APCDD1L: variants seen among roughly 807,000 people sequenced by gnomAD.
APCDD1L encodes the protein APC down-regulated 1 like.
A neutral mutation model predicts 24.2 loss-of-function variants in APCDD1L; 21 were observed. The ratio of observed to expected loss-of-function variants is 0.87; its 90% confidence interval spans 0.61 to 1.25. The LOEUF (loss-of-function observed/expected upper bound fraction) is 1.25. Among genes scored for constraint, APCDD1L ranks in the 50% most tolerant of loss-of-function variants. The probability of loss-of-function intolerance (pLI) is 0.00; values close to 1 mark genes in which losing one functional copy is unlikely to be tolerated. For missense variants in APCDD1L, 704 were observed against 711.7 expected (o/e 0.99, Z 0.12); for synonymous variants, 321 against 323.6 (o/e 0.99, Z 0.09).
intron 1 of APCDD1L, among the ~76,000 whole-genome samples, chr20:58,475,596 G>A (rs980800470): frequency 3.3e-5 from 5 of 151,944 alleles, no homozygotes; most frequent in Admixed American, 1.3e-4. Flanking sequence ...CACGGAAGAC[G>A]GAGGGAGGAG....
intron 2 of APCDD1L, among the ~76,000 whole-genome samples, chr20:58,468,154 AC>A (rs1212662901): frequency 1.4e-4 from 21 of 152,006 alleles, no homozygotes; most frequent in Admixed American, 1.2e-3. Context: ...GAGTCGGCAA[AC>A]TTTTTCTGTA....
rs1989600576 is a variant in APCDD1L at position 58,461,341 on chromosome 20, A to G, written c.955T>C (p.Ser319Pro). The G allele has an allele frequency of 2.5e-6, 4 of 1,597,636 alleles. No individual in the cohort carries two copies. The highest frequency in any genetic ancestry group is 3.4e-6 in the Non-Finnish European group (4 of 1,169,086). Residue 319 changes from serine to proline, a missense_variant, in exon 4 of 4, where the codon TCA becomes CCA. Coordinates refer to ENST00000371149, the MANE Select transcript of APCDD1L (RefSeq NM_153360.3). The surrounding 1 kb of genome is among the most constrained non-coding windows in gnomAD (Gnocchi z 6.0). The stretch of plus-strand genomic sequence containing the variant: ...GTGGGCTGCCGGCAGGCTGGGTCTG[A>G]GAAGTGGTGGTAATACCCTTCCCAG... Reference protein sequence around the residue: ...RSWEGYYHHFSDPACRQPTFT... With the variant: ...RSWEGYYHHFPDPACRQPTFT...
chr20:58,486,690 G>A lies in APCDD1L; in HGVS notation c.50-15943C>T, dbSNP rs149700450. On this transcript the variant is annotated intron_variant, in intron 1 of 3. Transcript: ENST00000371149. ...GCAAAGCACCAAACAGAAAGTAGCC[G>A]CCAACCTAGATTTGTGTACCCATCA... is the stretch of plus-strand genomic sequence containing the variant. Among the ~76,000 whole-genome samples the A allele has an allele frequency of 3.2e-3, 483 of 151,968 alleles. 2 individuals carry two copies. Among genetic ancestry groups the A allele is most frequent in the Non-Finnish European group, 5.0e-3 (341 of 67,986 alleles).
chr20:58,511,298 C>T (rs899575730), intron 1 of APCDD1L, among the ~76,000 whole-genome samples: 24 of 152,318 alleles, frequency 1.6e-4, no homozygotes, highest in South Asian at 4.1e-4. Flanking sequence ...CCCTCAAGCT[C>T]AAACCAATTT....
intron 1 of APCDD1L, among the ~76,000 whole-genome samples, chr20:58,483,908 C>G (rs954332116): frequency 1.3e-5 from 2 of 152,136 alleles, no homozygotes; most frequent in African/African-American, 2.4e-5. Context: ...TCTGGAGAGG[C>G]AGAGTCCCCA....
intron 1 of APCDD1L, among the ~76,000 whole-genome samples, chr20:58,511,074 T>C (rs980481329): frequency 3.3e-5 from 5 of 152,216 alleles, no homozygotes; most frequent in African/African-American, 4.8e-5. Context: ...ACCATCTTGT[T>C]GAACACTTCC....
chr20:58,513,804 TG>T, intron 1 of APCDD1L: 1 of 967,138 alleles, frequency 1.0e-6, no homozygotes, highest in Non-Finnish European at 1.5e-6. Flanking sequence ...AGAGAGCCGA[TG>T]GCCATGCTTA....
intron 1 of APCDD1L, 144 bp from the exon 2 acceptor site, chr20:58,470,891 C>T: frequency 4.9e-6 from 6 of 1,223,672 alleles, no homozygotes; most frequent in Non-Finnish European, 5.5e-6. Flanking sequence ...CAGGGTGCCC[C>T]AGTTCTGGAG....
intron 3 of APCDD1L, among the ~76,000 whole-genome samples, chr20:58,464,519 A>C (rs2123132139): frequency 6.6e-6 from 1 of 152,330 alleles, no homozygotes; most frequent in Non-Finnish European, 1.5e-5. Flanking sequence ...CAGAATTCAC[A>C]CTTGTACAGA....
At position 58,461,594 on chromosome 20, in the gene APCDD1L, T is replaced by A. The variant is rs1029133489; in HGVS notation, c.742-40A>T. Reference sequence around the variant, plus strand: ...ACAGAAAAACGGTGGTTGTCCCACATAGAGAAGTTGGGGTGCAGCCTGGAA... The same window carrying A: ...ACAGAAAAACGGTGGTTGTCCCACAAAGAGAAGTTGGGGTGCAGCCTGGAA... On this transcript the variant is annotated intron_variant, in intron 3 of 3. Coordinates refer to ENST00000371149, the MANE Select transcript of APCDD1L (RefSeq NM_153360.3). The surrounding 1 kb of genome is among the most constrained non-coding windows in gnomAD (Gnocchi z 6.0). The A allele has an allele frequency of 2.1e-6, 3 of 1,396,756 alleles. No individual in the cohort carries two copies. The highest frequency in any genetic ancestry group is 2.8e-6 in the Non-Finnish European group (3 of 1,069,116). 86.5% of individuals were successfully genotyped at this position (1,396,756 alleles called of 1,614,324 possible).
At chr20:58,505,873 C>T (rs1250068069) in intron 1 of APCDD1L, among the ~76,000 whole-genome samples, 1 of 152,134 alleles carries the variant, frequency 6.6e-6, no homozygotes, top group African/African-American at 2.4e-5. Context: ...TAGAGACACA[C>T]AGGGAGAAGA....
intron 1 of APCDD1L, among the ~76,000 whole-genome samples, chr20:58,503,983 C>T (rs1990489533): frequency 6.6e-6 from 1 of 152,178 alleles, no homozygotes; most frequent in African/African-American, 2.4e-5. Context: ...CCCATGAGCC[C>T]ATCTGGAGAC....
At chr20:58,500,677 G>A (rs1990417948) in intron 1 of APCDD1L, among the ~76,000 whole-genome samples, 1 of 152,092 alleles carries the variant, frequency 6.6e-6, no homozygotes, top group South Asian at 2.1e-4. Flanking sequence ...CCACCCAATG[G>A]CTTTCCTTTC....
chr20:58,515,067 G>T lies in APCDD1L; in HGVS notation c.-360C>A, dbSNP rs1600890138. Reference sequence around the variant, plus strand: ...GGCCGTCGCCTTCCCCAAAGTCTTCGCAGTGGGCAAGGAGGCCTCCCCCAA... The same window carrying T: ...GGCCGTCGCCTTCCCCAAAGTCTTCTCAGTGGGCAAGGAGGCCTCCCCCAA... On this transcript the variant is annotated 5_prime_UTR_variant, in exon 1 of 4. Transcript: ENST00000371149. 4.6e-6 allele frequency: 1 copy of T among 217,376 alleles called. No homozygotes were observed. Among genetic ancestry groups the T allele is most frequent in the East Asian group, 9.6e-5 (1 of 10,402 alleles). The allele number at this position is 217,376 out of a possible 1,614,324, so 13.5% of individuals were successfully genotyped here. A position where few individuals can be genotyped will look rare whatever the true frequency, so the allele number is the denominator to read the frequency against.
intron 1 of APCDD1L, among the ~76,000 whole-genome samples, chr20:58,480,119 T>C (rs1989996154): frequency 6.6e-6 from 1 of 152,212 alleles, no homozygotes; most frequent in African/African-American, 2.4e-5. Flanking sequence ...CTCATCCACC[T>C]AATCCGAGAA....
intron 1 of APCDD1L, among the ~76,000 whole-genome samples, chr20:58,474,713 C>CAAAA (rs1338669910): frequency 3.3e-4 from 50 of 151,950 alleles, no homozygotes; most frequent in African/African-American, 1.2e-3. Context: ...TCAAACAAAA[C>CAAAA]AAAACAAAAC....
chr20:58,508,385 A>C lies in APCDD1L; in HGVS notation c.49+6274T>G, dbSNP rs1008780475. On this transcript the variant is annotated intron_variant, in intron 1 of 3. Coordinates refer to ENST00000371149, the MANE Select transcript of APCDD1L (RefSeq NM_153360.3). The surrounding 1 kb of genome is among the most constrained non-coding windows in gnomAD (Gnocchi z 4.0). The stretch of plus-strand genomic sequence containing the variant: ...AAGGAGCACAGGGAGGGGAGAGCAC[A>C]GAGAGAGTGAACATGGCTGAGACTG... 6.6e-6 allele frequency among the ~76,000 whole-genome samples: 1 copy of C among 152,206 alleles called. No homozygotes were observed. Among genetic ancestry groups the C allele is most frequent in the African/African-American group, 2.4e-5 (1 of 41,446 alleles).
At chr20:58,499,771 C>G (rs906336213) in intron 1 of APCDD1L, among the ~76,000 whole-genome samples, 12 of 152,216 alleles carry the variant, frequency 7.9e-5, no homozygotes, top group Admixed American at 3.3e-4. Flanking sequence ...CCAAACACCC[C>G]ACCCATCCCT....
At chr20:58,495,175 G>A (rs563409242) in intron 1 of APCDD1L, among the ~76,000 whole-genome samples, 12 of 152,276 alleles carry the variant, frequency 7.9e-5, no homozygotes, top group African/African-American at 2.2e-4. Flanking sequence ...CCCTAGTGTC[G>A]TACCTGCCAG....
Sources: gnomAD v4.1 joint callset for allele counts (sites outside exome capture counted in the v4.1 genomes callset) on GRCh38, gnomAD v4.1.1 for gene constraint, Gnocchi (gnomAD v3.1) non-coding constraint, MANE v1.5 for transcripts, NCBI Gene and HGNC (gene_info 2026-07-23, HGNC 2026-07-21) for gene names.